The following TRAK1 variants were observed in gnomAD, a reference collection of about 807,000 sequenced individuals.
TRAK1 encodes trafficking kinesin-binding protein 1.
In TRAK1, 33 loss-of-function variants were observed where a neutral mutation model predicts 92.1. The observed-to-expected ratio is 0.36, with a 90% CI of 0.27 to 0.48. TRAK1 has a LOEUF of 0.48. TRAK1 is among the 20% of genes least tolerant of loss of function. The pLI, the probability that TRAK1 is intolerant of heterozygous loss-of-function variation, is 0.99. For synonymous variants in TRAK1, 521 were observed against 517.3 expected, an observed-to-expected ratio of 1.01 and a Z score of -0.10; for missense variants, 1,123 against 1,257.9, an observed-to-expected ratio of 0.89 and a Z score of 1.62.
intron 2 of TRAK1, among the ~76,000 whole-genome samples, chr3:42,140,200 C>T (rs1371958702): frequency 6.6e-6 from 1 of 152,156 alleles, no homozygotes; most frequent in African/African-American, 2.4e-5. Flanking sequence ...CCCCACCTTC[C>T]CCTGGAGGTG....
At chr3:42,143,775 C>T (rs1698993912) in intron 2 of TRAK1, among the ~76,000 whole-genome samples, 1 of 152,112 alleles carries the variant, frequency 6.6e-6, no homozygotes, top group Non-Finnish European at 1.5e-5. Flanking sequence ...CTGTAACCCT[C>T]AGGAGTGTTG....
At chr3:42,121,111 A>G (rs1709788968) in intron 1 of TRAK1, among the ~76,000 whole-genome samples, 1 of 152,208 alleles carries the variant, frequency 6.6e-6, no homozygotes, top group African/African-American at 2.4e-5. Context: ...AGCTGAATCA[A>G]CTTGACCAAC....
chr3:42,062,166 T>A (rs943679451), intron 1 of TRAK1, among the ~76,000 whole-genome samples: 1 of 152,178 alleles, frequency 6.6e-6, no homozygotes, highest in Non-Finnish European at 1.5e-5. Flanking sequence ...ATGTCCACTT[T>A]CCTGTGGATG....
At chr3:42,169,568 G>A (rs1307198358) in intron 2 of TRAK1, among the ~76,000 whole-genome samples, 1 of 151,964 alleles carries the variant, frequency 6.6e-6, no homozygotes, top group Non-Finnish European at 1.5e-5. Flanking sequence ...CTACTAGGGA[G>A]GCTGAGGCAG....
At chr3:42,190,272 C>T (rs1476025104) in intron 6 of TRAK1, among the ~76,000 whole-genome samples, 1 of 152,130 alleles carries the variant, frequency 6.6e-6, no homozygotes, top group South Asian at 2.1e-4. Context: ...GTGTGCCCAC[C>T]TAGGCTGGCC....
chr3:42,166,368 T>C (rs1380993784), intron 2 of TRAK1, among the ~76,000 whole-genome samples: 1 of 152,146 alleles, frequency 6.6e-6, no homozygotes, highest in African/African-American at 2.4e-5. Flanking sequence ...ACCATGTGTT[T>C]ATTGCCTTAT....
intron 1 of TRAK1, among the ~76,000 whole-genome samples, chr3:42,039,101 C>G (rs1201257082): frequency 6.6e-6 from 1 of 152,106 alleles, no homozygotes; most frequent in Non-Finnish European, 1.5e-5. Context: ...CCTCCATTTC[C>G]CAGCCCTAAG....
rs909786154 is a variant in TRAK1 at position 42,022,960 on chromosome 3, G to A, written c.-519+8843G>A. On this transcript the variant is annotated intron_variant, in intron 1 of 16. Coordinates refer to the TRAK1 transcript ENST00000487159. ...GATCACGAGGTCAGGAGTTGGAGAC[G>A]ATCCTGGCTAACACGGTGAAACCCT... 4.5e-4 allele frequency among the ~76,000 whole-genome samples: 68 copies of A among 151,608 alleles called. 1 individual carries two copies. Among genetic ancestry groups the A allele is most frequent in the African/African-American group, 1.5e-3 (64 of 41,390 alleles).
chr3:42,115,893 A>C (rs1170234119), intron 1 of TRAK1, among the ~76,000 whole-genome samples: 1 of 152,140 alleles, frequency 6.6e-6, no homozygotes, highest in Non-Finnish European at 1.5e-5. Flanking sequence ...CTTAGCCTTG[A>C]GACTTCCCCC....
intron 10 of TRAK1, among the ~76,000 whole-genome samples, chr3:42,195,392 G>A (rs1338291566): frequency 1.3e-5 from 2 of 152,224 alleles, no homozygotes; most frequent in Non-Finnish European, 2.9e-5. Flanking sequence ...AAGAACTCCT[G>A]TGTATTCCAG....
rs951100367 is a variant in TRAK1, at chr3:42,224,193, C to G, written c.*456C>G. On this transcript the variant is annotated 3_prime_UTR_variant, in exon 16 of 16. Transcript: ENST00000327628. ...GTGTCATCGGACACCTCACCTCGCC[C>G]ACCCTGTAGGAGCGTAAGGAGCCTC... The G allele has an allele frequency of 9.2e-6, 4 of 434,238 alleles. No individual in the cohort carries two copies. The highest frequency in any genetic ancestry group is 1.8e-5 in the Non-Finnish European group (4 of 220,180). 26.9% of individuals were successfully genotyped at this position (434,238 alleles called of 1,614,324 possible).
intron 1 of TRAK1, among the ~76,000 whole-genome samples, chr3:42,104,160 A>G (rs534306288): frequency 5.3e-5 from 8 of 152,132 alleles, no homozygotes; most frequent in African/African-American, 1.4e-4. Flanking sequence ...TAGGTAGACA[A>G]AACAGCCGGG....
At chr3:42,122,280 A>G (rs1314075688) in intron 1 of TRAK1, among the ~76,000 whole-genome samples, 6 of 152,106 alleles carry the variant, frequency 3.9e-5, no homozygotes, top group Non-Finnish European at 8.8e-5. Flanking sequence ...TCAAGTCTCA[A>G]CTTTTGGGCA....
chr3:42,094,162 G>T (rs1705550473), intron 1 of TRAK1, among the ~76,000 whole-genome samples: 1 of 152,202 alleles, frequency 6.6e-6, no homozygotes, highest in Admixed American at 6.5e-5. Context: ...GCCAAGGTCT[G>T]TTGTAGGAAC....
intron 14 of TRAK1, chr3:42,211,592 C>T: frequency 1.0e-6 from 1 of 985,346 alleles, no homozygotes; most frequent in Non-Finnish European, 1.2e-6. Flanking sequence ...GGGATGCTCC[C>T]CTACAGCCTT....
intron 1 of TRAK1, among the ~76,000 whole-genome samples, chr3:42,033,044 C>G (rs1559711524): frequency 6.6e-6 from 1 of 152,110 alleles, no homozygotes; most frequent in Non-Finnish European, 1.5e-5. Flanking sequence ...CCTTAAAAAC[C>G]AATATTTCGA....
At chr3:42,134,178 TCTTCCCCTTCCCCCTCCC>T (rs1697592866) in intron 2 of TRAK1, among the ~76,000 whole-genome samples, 1 of 105,364 alleles carries the variant, frequency 9.5e-6, no homozygotes, top group Non-Finnish European at 1.9e-5. Context: ...TTCCCCTTCC[TCTTCCCCTTCCCCCTCCC>T]CTTCCCCTTC....
At chr3:42,192,447 T>TATTTTGCATTTCGTCAAAGTACC (rs1705930181) in intron 7 of TRAK1, among the ~76,000 whole-genome samples, 1 of 151,898 alleles carries the variant, frequency 6.6e-6, no homozygotes, top group African/African-American at 2.4e-5. Flanking sequence ...GTCAAAGTAC[T>TATTTTGCATTTCGTCAAAGTACC]AAGTATTTTG....
At chr3:42,216,304 G>C (rs1709681707) in intron 14 of TRAK1, among the ~76,000 whole-genome samples, 3 of 152,148 alleles carry the variant, frequency 2.0e-5, no homozygotes, top group Admixed American at 2.0e-4. Flanking sequence ...CCGTGTCAGG[G>C]CTCCCTCCTC....
Sources: allele counts gnomAD v4.1 joint callset (sites outside exome capture counted in the v4.1 genomes callset), GRCh38; gene constraint gnomAD v4.1.1; transcripts MANE v1.5; gene names NCBI Gene and HGNC (gene_info 2026-07-23, HGNC 2026-07-21).